CUTA: variants seen among roughly 807,000 people sequenced by gnomAD.
The protein encoded by CUTA is protein CutA.
In CUTA, 21 loss-of-function variants were observed where a neutral mutation model predicts 20.7. That is an observed-to-expected ratio of 1.01 (90% confidence interval 0.72 to 1.46). The LOEUF (loss-of-function observed/expected upper bound fraction) is 1.46. Ranked by LOEUF, CUTA falls within the 40% of genes most tolerant of loss-of-function variation. The pLI, the probability that CUTA is intolerant of heterozygous loss-of-function variation, is 0.00. For missense variants in CUTA, 231 were observed against 226.8 expected (o/e 1.02, Z -0.12); for synonymous variants, 99 against 97.9 (o/e 1.01, Z -0.07).
rs868210240 is a variant in CUTA at position 33,417,266 on chromosome 6, G to A, written c.302C>T (p.Pro101Leu). The stretch of plus-strand genomic sequence containing the variant: ...TATGACTCACATGGATGTAATCTGA[G>A]GGATGAGGTTGACGCAGGCTGCTAG... Reference protein sequence around the residue: ...KRLAACVNLIPQITSIYEWKG... With the variant: ...KRLAACVNLILQITSIYEWKG... Residue 101 changes from proline to leucine, a missense_variant, in exon 3 of 6, where the codon CCT becomes CTT. Coordinates refer to ENST00000488034, the MANE Select transcript of CUTA (RefSeq NM_001014840.2). 6.2e-7 allele frequency: 1 copy of A among 1,614,218 alleles called. No individual in the cohort carries two copies.
At chr6:33,417,930 G>C (rs1324705772) in intron 1 of CUTA, 29 bp downstream of exon 1, 2 of 1,593,090 alleles carry the variant, frequency 1.3e-6, no homozygotes, top group Non-Finnish European at 1.7e-6. Flanking sequence ...TCGAGGACCG[G>C]AAGGGGCGGG....
rs1776485105 is a variant in CUTA, at chr6:33,416,482, G to C, written c.*168C>G. The C allele has an allele frequency of 1.6e-6, 1 of 622,002 alleles. No homozygotes were observed. The highest frequency in any genetic ancestry group is 1.8e-5 in the African/African-American group (1 of 54,598). The allele number at this position is 622,002 out of a possible 1,614,324, so 38.5% of individuals were successfully genotyped here. A position where few individuals can be genotyped will look rare whatever the true frequency, so the allele number is the denominator to read the frequency against. ...ATTCTGAAAGATGTAGAGAATACAG[G>C]GACTAGAAGCACTTATATTCTCCCA... On this transcript the variant is annotated 3_prime_UTR_variant, in exon 6 of 6. Transcript: ENST00000488034.
chr6:33,417,993 C>G lies in CUTA; in HGVS notation c.8G>C (p.Gly3Ala). ...GAGCAGGACCGCGGGAGCCCGCCCCCCACTCATGCGGCCTACGCTGGTACA... is the reference window on the plus strand; with the variant it reads ...GAGCAGGACCGCGGGAGCCCGCCCCGCACTCATGCGGCCTACGCTGGTACA... MS[G>A]GRAPAVLLGG... The change falls in exon 1 of 6, where the codon GGG (glycine) becomes GCG (alanine). Residue 3 changes from glycine (G) to alanine (A), a missense_variant. Coordinates refer to ENST00000488034, the MANE Select transcript of CUTA (RefSeq NM_001014840.2). 1 of 1,613,018 alleles carries G rather than the reference C, an allele frequency of 6.2e-7. No individual in the cohort carries two copies. The highest frequency in any genetic ancestry group is 8.5e-7 in the Non-Finnish European group (1 of 1,179,480).
chr6:33,417,770 G>A lies in CUTA; in HGVS notation c.43-75C>T. ...TTACACCCGGGGAAGCCTTCGCTTA[G>A]ATCCTCAGGCTCTGCCCTCCCTCTG... On this transcript the variant is annotated intron_variant, in intron 1 of 5. Transcript: ENST00000488034. The A allele has an allele frequency of 1.9e-6, 3 of 1,550,020 alleles. No homozygotes were observed. The Admixed American group carries it at 5.9e-5, about 31-fold the overall frequency.
Position 33,416,468 on chromosome 6 carries a change from T to G in CUTA, c.*182A>C, listed in dbSNP as rs1205853941. The G allele has an allele frequency of 1.7e-6, 1 of 604,010 alleles. No individual in the cohort carries two copies. The highest frequency in any genetic ancestry group is 3.0e-6 in the Non-Finnish European group (1 of 331,902). 37.4% of individuals were successfully genotyped at this position (604,010 alleles called of 1,614,324 possible). A position where few individuals can be genotyped will look rare whatever the true frequency, so the allele number is the denominator to read the frequency against. On this transcript the variant is annotated 3_prime_UTR_variant, in exon 6 of 6. Transcript: ENST00000488034. ...AGCAGCTCTGAGTCATTCTGAAAGATGTAGAGAATACAGGGACTAGAAGCA... is the reference window on the plus strand; with the variant it reads ...AGCAGCTCTGAGTCATTCTGAAAGAGGTAGAGAATACAGGGACTAGAAGCA...
At chr6:33,417,416 C>A in intron 2 of CUTA, 65 bp downstream of exon 2, 2 of 1,612,446 alleles carry the variant, frequency 1.2e-6, no homozygotes, top group Non-Finnish European at 1.7e-6. Context: ...AAGCAGCACT[C>A]TTCTGCCCCA....
Position 33,417,118 on chromosome 6 carries a change from C to G in CUTA, c.342G>C (p.Glu114Asp). ...TSIYEWKGKI[E>D]EDSEVLMMIK... is the part of the protein sequence containing the mutation. ...TCACCATCAGCACCTCACTGTCTTC[C>G]TCGATCTTCCCTTTCCACTCATAGC... is the stretch of plus-strand genomic sequence containing the variant. The change falls in exon 4 of 6, where the codon GAG (glutamate) becomes GAC (aspartate). Residue 114 changes from glutamate to aspartate, a missense_variant. Transcript: ENST00000488034. 6.2e-7 allele frequency: 1 copy of G among 1,611,538 alleles called. No individual in the cohort carries two copies. The highest frequency in any genetic ancestry group is 1.3e-5 in the African/African-American group (1 of 74,976).
chr6:33,417,956 C>A lies in CUTA; in HGVS notation c.42+3G>T. On this transcript the variant is annotated splice_donor_region_variant and intron_variant, in intron 1 of 5. Transcript: ENST00000488034. ...AAGGGGCGGGGCGGGGCCGGTCACT[C>A]ACCACTCCGCCGAGCAGGACCGCGG... 1 of 1,591,228 alleles carries A rather than the reference C, an allele frequency of 6.3e-7. No individual in the cohort carries two copies. The highest frequency in any genetic ancestry group is 2.3e-5 in the East Asian group (1 of 43,622).
chr6:33,416,570 TGGG>T lies in CUTA; in HGVS notation c.*77_*79del. 1 of 863,814 alleles carries T rather than the reference TGGG, an allele frequency of 1.2e-6. No individual in the cohort carries two copies. The highest frequency in any genetic ancestry group is 1.4e-5 in the South Asian group (1 of 73,984). 53.5% of individuals were successfully genotyped at this position (863,814 alleles called of 1,614,324 possible). On this transcript the variant is annotated 3_prime_UTR_variant, in exon 6 of 6. Transcript: ENST00000488034. ...AGAGAGACCCAAAGACGGGATTTAT[TGGG>T]GGCCCAGTCATCACCTGGAAGTCAG...
chr6:33,417,346 A>G (rs1275330881), intron 2 of CUTA, 36 bp from the exon 3 acceptor site: 23 of 1,613,968 alleles, frequency 1.4e-5, no homozygotes, highest in Non-Finnish European at 1.9e-5. Flanking sequence ...AGAGTACCCC[A>G]TAACCCCAGT....
intron 2 of CUTA, 27 bp from the exon 3 acceptor site, chr6:33,417,337 G>A: frequency 2.5e-6 from 4 of 1,614,152 alleles, no homozygotes; most frequent in Non-Finnish European, 3.4e-6. Context: ...GTCCCATTCA[G>A]AGTACCCCAT....
At position 33,417,588 on chromosome 6, in the gene CUTA, CG is replaced by C. The variant is rs1234743989; in HGVS notation, c.149del (p.Pro50ArgfsTer44). ...AATCCGAGGCCGGCGAGGGCTGGGT[CG>C]GAGGGCTTCCAGAGGCCATGGTCAG... ...VLLTMASGSP[P>X]TQPSPASDSG... On this transcript the variant is annotated frameshift_variant, in exon 2 of 6. Coordinates refer to ENST00000488034, the MANE Select transcript of CUTA (RefSeq NM_001014840.2). LOFTEE classifies it high-confidence loss of function. 1 of 1,614,078 alleles carries C rather than the reference CG, an allele frequency of 6.2e-7. No individual in the cohort carries two copies. The highest frequency in any genetic ancestry group is 2.2e-5 in the East Asian group (1 of 44,884).
Position 33,417,617 on chromosome 6 carries a change from A to C in CUTA, c.121T>G (p.Leu41Val). The change falls in exon 2 of 6, where the codon TTG becomes GTG. Residue 41 changes from leucine to valine, a missense_variant. By Grantham distance (32) the Leu-to-Val change is conservative. Coordinates refer to ENST00000488034, the MANE Select transcript of CUTA (RefSeq NM_001014840.2). ...ASRLLLLPRV[L>V]LTMASGSPPT... ...GGGCTTCCAGAGGCCATGGTCAGCAAGACTCGGGGTAGCAACAAAAGGCGG... is the reference window on the plus strand; with the variant it reads ...GGGCTTCCAGAGGCCATGGTCAGCACGACTCGGGGTAGCAACAAAAGGCGG... 2 of 1,614,066 alleles carry C rather than the reference A, an allele frequency of 1.2e-6. No individual in the cohort carries two copies. Among genetic ancestry groups the C allele is most frequent in the Non-Finnish European group, 1.7e-6 (2 of 1,179,986 alleles).
chr6:33,416,791 GGT>G lies in CUTA; in HGVS notation c.414-17_414-16del, dbSNP rs1421729073. 1 of 1,612,672 alleles carries G rather than the reference GGT, an allele frequency of 6.2e-7. No homozygotes were observed. The highest frequency in any genetic ancestry group is 1.3e-5 in the African/African-American group (1 of 74,836). ...GGTGCACAGAACTACAAAATAGGTG[GGT>G]GGGGGAAGGGGATCACTCAAAGATT... On this transcript the variant is annotated splice_polypyrimidine_tract_variant and intron_variant, in intron 5 of 5. Coordinates refer to ENST00000488034, the MANE Select transcript of CUTA (RefSeq NM_001014840.2).
In CUTA at chr6:33,417,988, GCCCCCCA is replaced by G. The variant is rs764373673; in HGVS notation, c.6_12del (p.Gly4LeufsTer37). On this transcript the variant is annotated frameshift_variant, in exon 1 of 6. Coordinates refer to ENST00000488034, the MANE Select transcript of CUTA (RefSeq NM_001014840.2). LOFTEE classifies it high-confidence loss of function. ...CCGCCGAGCAGGACCGCGGGAGCCC[GCCCCCCA>G]CTCATGCGGCCTACGCTGGTACAGG... 2.5e-6 allele frequency: 4 copies of G among 1,611,848 alleles called. No homozygotes were observed. Among genetic ancestry groups the G allele is most frequent in the Non-Finnish European group, 3.4e-6 (4 of 1,178,984 alleles).
chr6:33,417,664 G>C lies in CUTA; in HGVS notation c.74C>G (p.Pro25Arg), dbSNP rs199722896. 9 of 1,611,232 alleles carry C rather than the reference G, an allele frequency of 5.6e-6. No homozygotes were observed. Among genetic ancestry groups the C allele is most frequent in the Non-Finnish European group, 7.6e-6 (9 of 1,178,670 alleles). ...GCGGGAGGCCACAGGCAGCAGCGCC[G>C]GCATCCAAACAAAAGACAGGAGCAG... Reference protein sequence around the residue: ...ASLLLSFVWMPALLPVASRLL... With the variant: ...ASLLLSFVWMRALLPVASRLL... Residue 25 changes from proline (P) to arginine (R), a missense_variant, in exon 2 of 6, where the codon CCG (proline) becomes CGG (arginine). Transcript: ENST00000488034.
In CUTA at chr6:33,416,765, GGGT is replaced by G; in HGVS notation, c.422_424del (p.His141del). ...TGCAATTACCTCGGCCACTTCGTAA[GGGT>G]GCACAGAACTACAAAATAGGTGGGT... On this transcript the variant is annotated inframe_deletion, in exon 6 of 6. Transcript: ENST00000488034. 1 of 1,614,124 alleles carries G rather than the reference GGGT, an allele frequency of 6.2e-7. No homozygotes were observed. Among genetic ancestry groups the G allele is most frequent in the Non-Finnish European group, 8.5e-7 (1 of 1,180,022 alleles).
At position 33,418,075 on chromosome 6, in the gene CUTA, G is replaced by A. The variant is rs1202849261; in HGVS notation, c.-75C>T. The A allele has an allele frequency of 1.2e-6, 2 of 1,614,022 alleles. No individual in the cohort carries two copies. The highest frequency in any genetic ancestry group is 1.7e-5 in the Admixed American group (1 of 60,010). ...CGGAGAAACAACCCCAGGAAGAGCG[G>A]CCTCTTCTTACCTGGGTGGCAGCCA... On this transcript the variant is annotated 5_prime_UTR_variant, in exon 1 of 6. Transcript: ENST00000488034. This position sits in a 1 kb window ranked among gnomAD's most constrained non-coding sequence, Gnocchi z 5.7.
rs1380594790 is a variant in CUTA at position 33,418,039 on chromosome 6, C to G, written c.-39G>C. 3 of 1,614,052 alleles carry G rather than the reference C, an allele frequency of 1.9e-6. No homozygotes were observed. Among genetic ancestry groups the G allele is most frequent in the Admixed American group, 3.3e-5 (2 of 60,008 alleles). On this transcript the variant is annotated 5_prime_UTR_variant, in exon 1 of 6. Coordinates refer to ENST00000488034, the MANE Select transcript of CUTA (RefSeq NM_001014840.2). This position sits in a 1 kb window ranked among gnomAD's most constrained non-coding sequence, Gnocchi z 5.7. ...GTACAGGAGAGTTGATCTCAAAGGCCACACGTCACACGGAGAAACAACCCC... is the reference window on the plus strand; with the variant it reads ...GTACAGGAGAGTTGATCTCAAAGGCGACACGTCACACGGAGAAACAACCCC...
Sources: allele counts gnomAD v4.1 joint callset, GRCh38; gene constraint gnomAD v4.1.1; non-coding constraint Gnocchi (gnomAD v3.1); transcripts MANE v1.5; gene names NCBI Gene and HGNC (gene_info 2026-07-23, HGNC 2026-07-21).